The following GCC2 variants were observed in gnomAD, a reference collection of about 807,000 sequenced individuals.
The protein encoded by GCC2 is GRIP and coiled-coil domain containing 2, also known as GRIP and coiled-coil domain-containing protein 2.
A neutral mutation model predicts 210.6 loss-of-function variants in GCC2; 120 were observed. The ratio of observed to expected loss-of-function variants is 0.57; its 90% CI spans 0.49 to 0.66. The LOEUF is 0.66. Ranked by LOEUF, GCC2 falls within the 30% of genes least tolerant of loss-of-function variation. The probability of loss-of-function intolerance (pLI) is 0.00; values close to 1 mark genes in which losing one functional copy is unlikely to be tolerated. For synonymous variants in GCC2, 703 were observed against 652.7 expected (o/e 1.08, Z -1.17); for missense variants, 1,868 against 1,871.9 (o/e 1.00, Z 0.04).
chr2:108,504,696 A>G (rs1683100120), intron 22 of GCC2, among the ~76,000 whole-genome samples: 1 of 152,210 alleles, frequency 6.6e-6, no homozygotes, highest in Non-Finnish European at 1.5e-5. Flanking sequence ...AGTTAGCCAT[A>G]TAGTACTTCT....
intron 22 of GCC2, among the ~76,000 whole-genome samples, chr2:108,504,837 A>G (rs1341297327): frequency 6.6e-6 from 1 of 152,178 alleles, no homozygotes; most frequent in Admixed American, 6.5e-5. Context: ...CCATACATAC[A>G]CAGAGGTCTA....
chr2:108,449,872 G>C lies in GCC2; in HGVS notation c.63+183G>C, dbSNP rs1285955934. On this transcript the variant is annotated intron_variant, in intron 2 of 22. Coordinates refer to ENST00000309863, the MANE Select transcript of GCC2 (RefSeq NM_181453.4). ...TTTCTCCCCCGCCCACCCCGATATA[G>C]AAAGACTTTTTGTTTGCTTCCTGCT... The C allele has an allele frequency of 8.5e-6, 5 of 588,786 alleles. No individual in the cohort carries two copies. In the East Asian group the frequency reaches 1.1e-4, roughly 13 times the overall value. 36.5% of individuals were successfully genotyped at this position (588,786 alleles called of 1,614,324 possible).
intron 12 of GCC2, 70 bp downstream of exon 12, chr2:108,483,236 C>T: frequency 1.2e-6 from 1 of 804,392 alleles, no homozygotes; most frequent in Non-Finnish European, 2.1e-6. Context: ...TCTGTTTGTT[C>T]TGTTCTCTCT....
rs564138516 is a variant in GCC2 at position 108,480,681 on chromosome 2, A to G, written c.3061-1016A>G. Among the ~76,000 whole-genome samples, 5 of 152,352 alleles carry G rather than the reference A, an allele frequency of 3.3e-5. No homozygotes were observed. In the South Asian group the frequency reaches 1.0e-3, roughly 32 times the overall value. ...AACTAAATACCACATGTTCTCACTT[A>G]TAAGTGGGAGCTAAATGATGAGAAC... On this transcript the variant is annotated intron_variant, in intron 9 of 22. Transcript: ENST00000309863.
chr2:108,449,962 A>G, intron 2 of GCC2: 2 of 439,834 alleles, frequency 4.5e-6, no homozygotes, highest in East Asian at 4.0e-5. Flanking sequence ...GAAGGTTTAT[A>G]TAGTGGTGTA....
chr2:108,476,054 C>CTTTTTTTTTTTTTTTTT (rs56236751), intron 9 of GCC2, among the ~76,000 whole-genome samples: 3 of 96,320 alleles, frequency 3.1e-5, no homozygotes, highest in Admixed American at 1.2e-4. Context: ...TAGTGGCTTG[C>CTTTTTTTTTTTTTTTTT]TTTTTTTTTT....
At chr2:108,455,678 A>C (rs1680240846) in intron 4 of GCC2, among the ~76,000 whole-genome samples, 2 of 152,174 alleles carry the variant, frequency 1.3e-5, no homozygotes, top group African/African-American at 4.8e-5. Flanking sequence ...AAAAATATTT[A>C]TCTTTCCCTG....
intron 4 of GCC2, among the ~76,000 whole-genome samples, chr2:108,462,877 T>C (rs1465769417): frequency 1.2e-5 from 1 of 82,146 alleles, no homozygotes; most frequent in Non-Finnish European, 2.3e-5. Context: ...TTGCTCATTT[T>C]TAAAAATTCT....
rs1311904753 is a variant in GCC2 at position 108,497,007 on chromosome 2, A to G, written c.4680A>G (p.Glu1560=). The G allele has an allele frequency of 1.2e-6, 2 of 1,612,074 alleles. No individual in the cohort carries two copies. Among genetic ancestry groups the G allele is most frequent in the East Asian group, 4.5e-5 (2 of 44,890 alleles). ...PLWHAEFTKE[E]LVQKLSSTTK... ...GGCATGCTGAATTTACCAAAGAAGA[A>G]TTGGTTCAGAAGCTCAGTTCCACCA... is the stretch of plus-strand genomic sequence containing the variant. The change falls in exon 21 of 23, where the codon GAA becomes GAG. Residue 1560 remains glutamate (E), a synonymous_variant. Transcript: ENST00000309863.
chr2:108,475,753 C>T lies in GCC2; in HGVS notation c.2963C>T (p.Thr988Ile), dbSNP rs768804002. 6.3e-7 allele frequency: 1 copy of T among 1,593,832 alleles called. No individual in the cohort carries two copies. The highest frequency in any genetic ancestry group is 8.6e-7 in the Non-Finnish European group (1 of 1,167,744). Residue 988 changes from threonine to isoleucine, a missense_variant and splice_region_variant, in exon 9 of 23, where the codon ACC becomes ATC. This residue lies in a region of GCC2 where 1,847 missense variants were observed against 1,765.2 expected (regional missense o/e 1.05). Transcript: ENST00000309863. The stretch of plus-strand genomic sequence containing the variant: ...TAATTTTACTTGTGTTTAAAACAGA[C>T]CCAGACTGTGAAGGAAGAACTTGAA... ...KKELDSSRKE[T>I]QTVKEELESL... is the part of the protein sequence containing the mutation.
At chr2:108,472,998 A>G in intron 7 of GCC2, 99 bp downstream of exon 7, 1 of 677,732 alleles carries the variant, frequency 1.5e-6, no homozygotes, top group Non-Finnish European at 2.5e-6. Context: ...ATGAGTTGTT[A>G]AAAACACAGT....
intron 5 of GCC2, chr2:108,469,407 A>G (rs973938794): frequency 9.1e-6 from 4 of 439,682 alleles, no homozygotes; most frequent in African/African-American, 2.0e-5. Flanking sequence ...TTTCTTGCCT[A>G]TTTCTTGCCT....
chr2:108,475,275 C>G (rs1458933222), intron 7 of GCC2: 1 of 234,270 alleles, frequency 4.3e-6, no homozygotes, highest in African/African-American at 2.3e-5. Context: ...CTGAAAGCCT[C>G]TAATTCCTGG....
At chr2:108,472,953 TG>T (rs1558742538) in intron 7 of GCC2, 54 bp downstream of exon 7, 1 of 980,520 alleles carries the variant, frequency 1.0e-6, no homozygotes, top group South Asian at 1.5e-5. Context: ...TTCTTCTTAG[TG>T]TTAGAATAGA....
intron 4 of GCC2, among the ~76,000 whole-genome samples, chr2:108,466,583 C>T (rs1319507305): frequency 6.6e-6 from 1 of 152,074 alleles, no homozygotes; most frequent in Non-Finnish European, 1.5e-5. Flanking sequence ...TGCCATTCTT[C>T]TGCCTCAGCC....
In GCC2 at chr2:108,485,626, C is replaced by T. The variant is rs780306819; in HGVS notation, c.3614-10C>T. ...ACATCTTTTTCTGCTGAAATTATTTCTTGTGCTAGCTTCATTACAGTCTTC... is the reference window on the plus strand; with the variant it reads ...ACATCTTTTTCTGCTGAAATTATTTTTTGTGCTAGCTTCATTACAGTCTTC... On this transcript the variant is annotated splice_polypyrimidine_tract_variant and intron_variant, in intron 13 of 22. Coordinates refer to ENST00000309863, the MANE Select transcript of GCC2 (RefSeq NM_181453.4). 7.4e-7 allele frequency: 1 copy of T among 1,356,408 alleles called. No homozygotes were observed. The highest frequency in any genetic ancestry group is 1.0e-6 in the Non-Finnish European group (1 of 989,876). The allele number at this position is 1,356,408 out of a possible 1,614,324, so 84.0% of individuals were successfully genotyped here.
Position 108,471,601 on chromosome 2 carries a change from C to G in GCC2, c.2272C>G (p.Gln758Glu). The G allele has an allele frequency of 6.2e-7, 1 of 1,612,830 alleles. No homozygotes were observed. The highest frequency in any genetic ancestry group is 8.5e-7 in the Non-Finnish European group (1 of 1,179,492). Residue 758 changes from glutamine to glutamate, a missense_variant, in exon 6 of 23, where the codon CAG becomes GAG. By Grantham distance (29) the Gln-to-Glu change is conservative. Around this residue, in one of 3 missense-constraint regions of GCC2, gnomAD observed 1,847 missense variants for 1,765.2 expected, o/e 1.05. Coordinates refer to ENST00000309863, the MANE Select transcript of GCC2 (RefSeq NM_181453.4). ...EQVQKLFVKT[Q>E]LYGFLKEMGS... ...AGTTCAGAAGTTATTTGTTAAAACT[C>G]AGTTGTATGGTTTTCTTAAAGAAAT...
chr2:108,454,504 A>G (rs1680140394), intron 4 of GCC2, among the ~76,000 whole-genome samples: 2 of 152,198 alleles, frequency 1.3e-5, no homozygotes, highest in Non-Finnish European at 2.9e-5. Context: ...TTTAAGTATT[A>G]CTGAGTTCAC....
intron 4 of GCC2, among the ~76,000 whole-genome samples, chr2:108,459,759 T>TTTTTTTTTTTTTTC (rs1680460872): frequency 9.0e-6 from 1 of 110,922 alleles, no homozygotes; most frequent in Non-Finnish European, 1.9e-5. Flanking sequence ...TTTTTTTTTT[T>TTTTTTTTTTTTTTC]TTTTTTTTTT....
Sources: allele counts gnomAD v4.1 joint callset (sites outside exome capture counted in the v4.1 genomes callset), GRCh38; gene constraint gnomAD v4.1.1; regional missense constraint gnomAD v4.1.1; transcripts MANE v1.5; gene names NCBI Gene and HGNC (gene_info 2026-07-23, HGNC 2026-07-21).